Variants in PMFBP1 observed in about 807,000 individuals in gnomAD.
PMFBP1 encodes the protein polyamine modulated factor 1 binding protein 1, also known as polyamine-modulated factor 1-binding protein 1.
A neutral mutation model predicts 137.8 loss-of-function variants in PMFBP1; 131 were observed. The ratio of observed to expected loss-of-function variants is 0.95; its 90% CI spans 0.82 to 1.10. The LOEUF (loss-of-function observed/expected upper bound fraction) is 1.10, where lower values mean the gene tolerates loss of function less well. PMFBP1 is among the 50% of genes least tolerant of loss of function. The probability of loss-of-function intolerance (pLI) is 0.00; values close to 1 mark genes in which losing one functional copy is unlikely to be tolerated. For missense variants in PMFBP1, 1,199 were observed against 1,175.4 expected, an observed-to-expected ratio of 1.02 and a Z score of -0.29; for synonymous variants, 490 against 450.4, an observed-to-expected ratio of 1.09 and a Z score of -1.11.
At chr16:72,192,192 G>C in the PMFBP1 span, among the ~76,000 whole-genome samples, 3 of 152,128 alleles carry the variant, frequency 2.0e-5, no homozygotes, top group Non-Finnish European at 2.9e-5. Flanking sequence ...GAGAGAGAAA[G>C]AAAGAGATGG....
At chr16:72,238,039 GTCTATC>G in the PMFBP1 span, among the ~76,000 whole-genome samples, 9 of 152,290 alleles carry the variant, frequency 5.9e-5, no homozygotes, top group African/African-American at 2.2e-4. Flanking sequence ...TGTTTATCCA[GTCTATC>G]ATTGATGGAC....
chr16:72,146,471 A>G (rs989317545), intron 5 of PMFBP1, among the ~76,000 whole-genome samples: 1 of 152,202 alleles, frequency 6.6e-6, no homozygotes, highest in Non-Finnish European at 1.5e-5. Flanking sequence ...GCACAAGACA[A>G]GGATGCCCTC....
chr16:72,230,414 T>G, the PMFBP1 span, among the ~76,000 whole-genome samples: 1 of 152,178 alleles, frequency 6.6e-6, no homozygotes, highest in Non-Finnish European at 1.5e-5. Context: ...CCTATGGTTT[T>G]AATTACTCAT....
At chr16:72,200,680 A>G in the PMFBP1 span, among the ~76,000 whole-genome samples, 1 of 152,242 alleles carries the variant, frequency 6.6e-6, no homozygotes, top group African/African-American at 2.4e-5. Context: ...TATGTTCGTT[A>G]ATCTATAGTC....
At chr16:72,186,032 C>G in the PMFBP1 span, among the ~76,000 whole-genome samples, 1 of 152,196 alleles carries the variant, frequency 6.6e-6, no homozygotes, top group South Asian at 2.1e-4. Flanking sequence ...GGCTAAGGCT[C>G]CCTCTCTCCA....
rs776008574 is a variant in PMFBP1 at position 72,124,762 on chromosome 16, C to T, written c.2589+5G>A. On this transcript the variant is annotated splice_donor_5th_base_variant and intron_variant, in intron 17 of 20. Coordinates refer to ENST00000237353, the MANE Select transcript of PMFBP1 (RefSeq NM_031293.3). The stretch of plus-strand genomic sequence containing the variant: ...GGAGGCACGCAGAAGCCAAGGCATG[C>T]CCACCTCCTTATCGTCCTCAAGGAG... 1 of 1,612,590 alleles carries T rather than the reference C, an allele frequency of 6.2e-7. No individual in the cohort carries two copies. The highest frequency in any genetic ancestry group is 2.2e-5 in the East Asian group (1 of 44,860).
the PMFBP1 span, among the ~76,000 whole-genome samples, chr16:72,195,937 C>CTGTAAG: frequency 2.6e-5 from 4 of 151,390 alleles, no homozygotes; most frequent in South Asian, 4.2e-4. Context: ...CTAGTAAAGA[C>CTGTAAG]TGTAAGTGTG....
At chr16:72,159,124 C>T (rs575601451) in intron 3 of PMFBP1, among the ~76,000 whole-genome samples, 1 of 152,282 alleles carries the variant, frequency 6.6e-6, no homozygotes, top group East Asian at 1.9e-4. Flanking sequence ...CTTCTCTTTG[C>T]TTCCACGTCC....
chr16:72,249,940 A>G, the PMFBP1 span, among the ~76,000 whole-genome samples: 1 of 151,040 alleles, frequency 6.6e-6, no homozygotes. Context: ...AAAAAAAAAA[A>G]AAAAGAAAGA....
At chr16:72,149,833 T>G (rs866272115) in intron 5 of PMFBP1, among the ~76,000 whole-genome samples, 1 of 152,164 alleles carries the variant, frequency 6.6e-6, no homozygotes, top group Non-Finnish European at 1.5e-5. Flanking sequence ...TAAAACCACA[T>G]TGATAACCAC....
At chr16:72,181,147 G>A (rs1239906592), upstream of PMFBP1, among the ~76,000 whole-genome samples, 2 of 151,714 alleles carry the variant, frequency 1.3e-5, no homozygotes, top group Admixed American at 1.3e-4. Flanking sequence ...GCTGAGGCAG[G>A]AGAATCGCTT....
Position 72,137,606 on chromosome 16 carries a change from G to A in PMFBP1, c.919-787C>T, listed in dbSNP as rs572907438. ...GTGGGAACATGGAGGAGGCAAGTGC[G>A]GCTGGCACGGAGCAGGCAATGGGGA... On this transcript the variant is annotated intron_variant, in intron 7 of 20. Coordinates refer to ENST00000237353, the MANE Select transcript of PMFBP1 (RefSeq NM_031293.3). 3.3e-5 allele frequency among the ~76,000 whole-genome samples: 5 copies of A among 152,286 alleles called. No homozygotes were observed. The South Asian group carries it at 1.0e-3, about 32-fold the overall frequency.
At chr16:72,147,590 C>A (rs567715651) in intron 5 of PMFBP1, among the ~76,000 whole-genome samples, 2 of 152,246 alleles carry the variant, frequency 1.3e-5, no homozygotes, top group South Asian at 4.1e-4. Flanking sequence ...AACAGGCAAC[C>A]TACGGATTGG....
intron 12 of PMFBP1, 98 bp downstream of exon 12, chr16:72,130,115 A>G (rs1286680806): frequency 3.3e-6 from 5 of 1,520,522 alleles, no homozygotes; most frequent in Non-Finnish European, 3.6e-6. Flanking sequence ...TTGGCCTCGC[A>G]AAGAGCTGAG....
chr16:72,128,844 A>G (rs761271092), intron 13 of PMFBP1, 50 bp from the exon 14 acceptor site: 1 of 1,609,596 alleles, frequency 6.2e-7, no homozygotes, highest in Non-Finnish European at 8.5e-7. Flanking sequence ...TTAATCTCAG[A>G]TAACTATAAA....
At chr16:72,159,905 G>C (rs2043037038) in intron 3 of PMFBP1, among the ~76,000 whole-genome samples, 1 of 151,866 alleles carries the variant, frequency 6.6e-6, no homozygotes, top group African/African-American at 2.4e-5. Flanking sequence ...CGTTGGAAAT[G>C]ATTTTACAGA....
intron 9 of PMFBP1, among the ~76,000 whole-genome samples, chr16:72,135,517 G>A (rs997421625): frequency 1.5e-4 from 23 of 151,700 alleles, no homozygotes; most frequent in Admixed American, 1.4e-3. Context: ...GCACCCGGCC[G>A]TCAGCTGGAT....
At chr16:72,133,605 C>T (rs527942189) in intron 9 of PMFBP1, among the ~76,000 whole-genome samples, 57 of 152,316 alleles carry the variant, frequency 3.7e-4, no homozygotes, top group African/African-American at 1.3e-3. Flanking sequence ...CCTCCCACCT[C>T]AGTCTCCCTG....
downstream of PMFBP1, chr16:72,119,069 C>T (rs1165156645): frequency 1.3e-5 from 5 of 399,440 alleles, no homozygotes; most frequent in Non-Finnish European, 2.2e-5. Context: ...GAAATGTCTG[C>T]TAGACGCCAA....
Sources: allele counts gnomAD v4.1 joint callset (sites outside exome capture counted in the v4.1 genomes callset), GRCh38; gene constraint gnomAD v4.1.1; transcripts MANE v1.5; gene names NCBI Gene and HGNC (gene_info 2026-07-23, HGNC 2026-07-21).